Variants in PCDHA5 observed in about 807,000 individuals in gnomAD.
PCDHA5 encodes protocadherin alpha 5, also known as protocadherin alpha-5.
In PCDHA5, 43 loss-of-function variants were observed where a neutral mutation model predicts 61.6. That is an observed-to-expected ratio of 0.70 (90% confidence interval 0.55 to 0.90). The LOEUF is 0.90. PCDHA5 is among the 40% of genes least tolerant of loss of function. The pLI is 0.00. For missense variants in PCDHA5, 1,298 were observed against 1,222.7 expected, an observed-to-expected ratio of 1.06 and a Z score of -0.92; for synonymous variants, 627 against 543.9, an observed-to-expected ratio of 1.15 and a Z score of -2.13.
At chr5:140,969,410 T>C (rs528910445) in intron 1 of PCDHA5, 12 of 1,572,752 alleles carry the variant, frequency 7.6e-6, no homozygotes, top group South Asian at 1.2e-5. Flanking sequence ...TTTGGCTTTA[T>C]TGAGTCATTA....
intron 1 of PCDHA5, among the ~76,000 whole-genome samples, chr5:140,922,064 T>C (rs2080596272): frequency 6.6e-6 from 1 of 152,054 alleles, no homozygotes; most frequent in Non-Finnish European, 1.5e-5. Flanking sequence ...AATGTAGCAA[T>C]CCCACTAAGC....
chr5:140,856,808 C>T, intron 1 of PCDHA5: 1 of 1,594,492 alleles, frequency 6.3e-7, no homozygotes, highest in Non-Finnish European at 8.6e-7. Context: ...GTATGAAAAT[C>T]AAGTGAACCA....
intron 1 of PCDHA5, chr5:140,968,366 G>A (rs145153557): frequency 7.4e-6 from 12 of 1,614,078 alleles, no homozygotes; most frequent in Non-Finnish European, 1.0e-5. Flanking sequence ...CCTTTATGCT[G>A]TCAACTCCTT....
intron 1 of PCDHA5, among the ~76,000 whole-genome samples, chr5:140,953,564 G>C (rs2094904127): frequency 6.6e-6 from 1 of 152,058 alleles, no homozygotes; most frequent in Non-Finnish European, 1.5e-5. Context: ...AAGTTTTAGT[G>C]CCCTCCTCTC....
rs2150473987 is a variant in PCDHA5 at position 140,850,218 on chromosome 5, G to C, written c.2352+26091G>C. ...GACACCTCGGATGAGGGGCACTGAC[G>C]GCGCAGTGAGCGAGATGGTGCTGCG... is the stretch of plus-strand genomic sequence containing the variant. On this transcript the variant is annotated intron_variant, in intron 1 of 3. Transcript: ENST00000529859. 11 of 1,593,684 alleles carry C rather than the reference G, an allele frequency of 6.9e-6. 1 individual carries two copies. The highest frequency in any genetic ancestry group is 4.4e-5 in the South Asian group (4 of 90,424).
chr5:140,890,945 G>A (rs2062873584), intron 1 of PCDHA5, among the ~76,000 whole-genome samples: 1 of 152,132 alleles, frequency 6.6e-6, no homozygotes, highest in Non-Finnish European at 1.5e-5. Flanking sequence ...AGATGCTGGT[G>A]AGGAATGATT....
chr5:141,004,682 T>G (rs1002761253), intron 3 of PCDHA5, among the ~76,000 whole-genome samples: 2 of 152,184 alleles, frequency 1.3e-5, no homozygotes, highest in South Asian at 4.1e-4. Flanking sequence ...TGTGGAGTGG[T>G]GCTGAAACCC....
rs2098420299 is a variant in PCDHA5 at position 141,011,351 on chromosome 5, A to G, written c.*1414A>G. The G allele has an allele frequency of 1.3e-5, 2 of 153,694 alleles. No homozygotes were observed. Among genetic ancestry groups the G allele is most frequent in the African/African-American group, 2.4e-5 (1 of 41,410 alleles). 9.5% of individuals were successfully genotyped at this position (153,694 alleles called of 1,614,324 possible). A position where few individuals can be genotyped will look rare whatever the true frequency, so the allele number is the denominator to read the frequency against. On this transcript the variant is annotated 3_prime_UTR_variant, in exon 4 of 4. Transcript: ENST00000529859. ...TGATGTTACCTGAAATCAATCTCCC[A>G]TATGTATGCTGTATGCTATGCTAAG...
intron 1 of PCDHA5, chr5:140,859,160 T>C (rs1554152196): frequency 6.7e-6 from 1 of 150,194 alleles, no homozygotes; most frequent in Non-Finnish European, 1.5e-5. Context: ...CTCTTCATTA[T>C]CTGCTCCTTT....
At chr5:141,006,553 G>A (rs1554260809) in intron 3 of PCDHA5, among the ~76,000 whole-genome samples, 1 of 152,168 alleles carries the variant, frequency 6.6e-6, no homozygotes, top group African/African-American at 2.4e-5. Context: ...AAGAAATAAA[G>A]ATGACTCTGG....
intron 1 of PCDHA5, chr5:140,877,241 T>G (rs1554169505): frequency 1.2e-6 from 2 of 1,613,670 alleles, no homozygotes; most frequent in Non-Finnish European, 1.7e-6. Flanking sequence ...GCGGGCCACG[T>G]GGTGGCGAAA....
intron 3 of PCDHA5, among the ~76,000 whole-genome samples, chr5:141,000,381 CTCTCTCTCTCTCTCTATA>C (rs1371464108): frequency 4.9e-5 from 3 of 61,382 alleles, no homozygotes; most frequent in South Asian, 5.3e-4. Flanking sequence ...CTCTCTCTCT[CTCTCTCTCTCTCTCTATA>C]TATATATATA....
chr5:140,926,835 T>C (rs2083586569), intron 1 of PCDHA5: 4 of 1,505,630 alleles, frequency 2.7e-6, no homozygotes, highest in East Asian at 2.3e-5. Context: ...GTCCGGAGCA[T>C]GGTCCTGGGT....
At chr5:140,827,936 C>T (rs1554130932) in intron 1 of PCDHA5, 4 of 1,115,020 alleles carry the variant, frequency 3.6e-6, no homozygotes, top group Non-Finnish European at 5.1e-6. Context: ...GAAGTTATAG[C>T]TAGCCAACAT....
intron 3 of PCDHA5, among the ~76,000 whole-genome samples, chr5:141,005,708 A>G (rs1245739768): frequency 6.8e-6 from 1 of 146,360 alleles, no homozygotes; most frequent in Non-Finnish European, 1.5e-5. Context: ...TCTCAAAAAA[A>G]AAAAAAAAAA....
chr5:140,997,606 A>G (rs1554255929), intron 3 of PCDHA5, among the ~76,000 whole-genome samples: 1 of 152,090 alleles, frequency 6.6e-6, no homozygotes, highest in Non-Finnish European at 1.5e-5. Context: ...TATGGGGCGC[A>G]TGACTATATA....
intron 1 of PCDHA5, chr5:140,928,403 G>A (rs1554205862): frequency 6.2e-7 from 1 of 1,613,964 alleles, no homozygotes; most frequent in Non-Finnish European, 8.5e-7. Context: ...GAATCATCCA[G>A]TGGGGCCATC....
At chr5:140,945,424 A>T (rs1227744054) in intron 1 of PCDHA5, among the ~76,000 whole-genome samples, 1 of 152,116 alleles carries the variant, frequency 6.6e-6, no homozygotes, top group Non-Finnish European at 1.5e-5. Context: ...ATTTCAATGA[A>T]GTTTTTACAG....
At chr5:140,945,705 A>G (rs868920609) in intron 1 of PCDHA5, among the ~76,000 whole-genome samples, 5 of 152,154 alleles carry the variant, frequency 3.3e-5, no homozygotes, top group South Asian at 2.1e-4. Flanking sequence ...GATTTGCAAC[A>G]AAAGTATCAA....
Sources: gnomAD v4.1 joint callset for allele counts (sites outside exome capture counted in the v4.1 genomes callset) on GRCh38, gnomAD v4.1.1 for gene constraint, MANE v1.5 for transcripts, NCBI Gene and HGNC (gene_info 2026-07-23, HGNC 2026-07-21) for gene names.